Variants in EBF4 observed in about 807,000 individuals in gnomAD.
The protein encoded by EBF4 is transcription factor COE4.
A neutral mutation model predicts 67.1 loss-of-function variants in EBF4; 34 were observed. That is an observed-to-expected ratio of 0.51 (90% CI 0.39 to 0.67). The LOEUF is 0.67. Among genes scored for constraint, EBF4 ranks in the 30% least tolerant of loss-of-function variants. The pLI is 0.00. For missense variants in EBF4, 837 were observed against 873.3 expected, an observed-to-expected ratio of 0.96 and a Z score of 0.52; for synonymous variants, 387 against 377.7, an observed-to-expected ratio of 1.02 and a Z score of -0.29.
chr20:2,719,358 T>G (rs957901062), intron 6 of EBF4, among the ~76,000 whole-genome samples: 2 of 152,206 alleles, frequency 1.3e-5, no homozygotes, highest in African/African-American at 4.8e-5. Flanking sequence ...CACTGCAACC[T>G]CCACCTCCCA....
chr20:2,753,197 G>A (rs1379618117), intron 14 of EBF4, among the ~76,000 whole-genome samples: 1 of 152,230 alleles, frequency 6.6e-6, no homozygotes, highest in Non-Finnish European at 1.5e-5. Flanking sequence ...GCTTAAGGTT[G>A]ATCTCGGATC....
At chr20:2,723,638 C>T (rs1266490663) in intron 6 of EBF4, among the ~76,000 whole-genome samples, 3 of 152,188 alleles carry the variant, frequency 2.0e-5, no homozygotes, top group Non-Finnish European at 4.4e-5. Context: ...CTTGAGCCAC[C>T]GCGCCCGGCC....
chr20:2,736,017 G>A (rs1219368155), intron 6 of EBF4, among the ~76,000 whole-genome samples: 5 of 152,100 alleles, frequency 3.3e-5, no homozygotes, highest in Admixed American at 2.6e-4. Flanking sequence ...CATATTTATT[G>A]GGCACTTGAA....
At chr20:2,701,582 C>T (rs1303945799) in intron 1 of EBF4, among the ~76,000 whole-genome samples, 1 of 152,242 alleles carries the variant, frequency 6.6e-6, no homozygotes, top group Non-Finnish European at 1.5e-5. Flanking sequence ...TTATGCTGCA[C>T]CAGTCTGGAA....
In EBF4 at chr20:2,693,777, G is replaced by A. The variant is rs1285002710; in HGVS notation, c.132G>A (p.Ala44=). 1.5e-6 allele frequency: 2 copies of A among 1,327,996 alleles called. No individual in the cohort carries two copies. Among genetic ancestry groups the A allele is most frequent in the African/African-American group, 1.5e-5 (1 of 64,876 alleles). The allele number at this position is 1,327,996 out of a possible 1,614,324, so 82.3% of individuals were successfully genotyped here. A position where few individuals can be genotyped will look rare whatever the true frequency, so the allele number is the denominator to read the frequency against. ...GCATCCTGGACGCCAGCACCGCGGC[G>A]CAGAGGTAAGCGCTCGGACCGGACC... The change falls in exon 1 of 17, where the codon GCG becomes GCA. Residue 44 remains alanine, a synonymous_variant. Coordinates refer to ENST00000609451, the Ensembl canonical transcript of EBF4. This position sits in a 1 kb window ranked among gnomAD's most constrained non-coding sequence, Gnocchi z 4.6.
chr20:2,705,948 A>G, intron 2 of EBF4, 26 bp from the exon 3 acceptor site: 2 of 1,548,996 alleles, frequency 1.3e-6, no homozygotes, highest in Non-Finnish European at 1.7e-6. Flanking sequence ...TGAGCACCCG[A>G]GCATCCTCCC....
intron 6 of EBF4, among the ~76,000 whole-genome samples, chr20:2,727,612 A>G (rs948567571): frequency 2.0e-5 from 3 of 152,234 alleles, no homozygotes; most frequent in Admixed American, 1.3e-4. Context: ...TGCTGAATCA[A>G]TGGTAGTTCT....
chr20:2,720,545 T>C (rs1440943999), intron 6 of EBF4, among the ~76,000 whole-genome samples: 2 of 152,192 alleles, frequency 1.3e-5, no homozygotes. Context: ...TTAGAACTTA[T>C]TGTATATATC....
In EBF4 at chr20:2,696,324, T is replaced by C. The variant is rs2087287947; in HGVS notation, c.137+2542T>C. ...CTGTCTCTACTAATAATACAAAAATTAGCTGGGCGTGGTGAAGCATGCTTG... is the reference window on the plus strand; with the variant it reads ...CTGTCTCTACTAATAATACAAAAATCAGCTGGGCGTGGTGAAGCATGCTTG... On this transcript the variant is annotated intron_variant, in intron 1 of 16. Coordinates refer to ENST00000609451, the Ensembl canonical transcript of EBF4. The surrounding 1 kb of genome is among the most constrained non-coding windows in gnomAD (Gnocchi z 4.7). Among the ~76,000 whole-genome samples the C allele has an allele frequency of 6.6e-6, 1 of 151,898 alleles. No individual in the cohort carries two copies. The highest frequency in any genetic ancestry group is 2.4e-5 in the African/African-American group (1 of 41,350).
At position 2,707,116 on chromosome 20, in the gene EBF4, T is replaced by C. The variant is rs1170823812; in HGVS notation, c.415-831T>C. Among the ~76,000 whole-genome samples, 1 of 152,134 alleles carries C rather than the reference T, an allele frequency of 6.6e-6. No individual in the cohort carries two copies. Among genetic ancestry groups the C allele is most frequent in the Non-Finnish European group, 1.5e-5 (1 of 68,010 alleles). The stretch of plus-strand genomic sequence containing the variant: ...GGGCTTCCTACATAGGCAGGGTCTT[T>C]TGGCAGCCTCCACCCAATCCCAGGG... On this transcript the variant is annotated intron_variant, in intron 4 of 16. Coordinates refer to ENST00000609451, the Ensembl canonical transcript of EBF4. The surrounding 1 kb of genome is among the most constrained non-coding windows in gnomAD (Gnocchi z 4.6).
chr20:2,758,886 T>A, intron 15 of EBF4, 23 bp from the exon 16 acceptor site: 1 of 1,551,056 alleles, frequency 6.4e-7, no homozygotes, highest in African/African-American at 1.4e-5. Context: ...GGCTTATGGC[T>A]CCTTTTTCCT....
At position 2,693,606 on chromosome 20, in the gene EBF4, G is replaced by T; in HGVS notation, c.-40G>T. 1 of 1,359,706 alleles carries T rather than the reference G, an allele frequency of 7.4e-7. No homozygotes were observed. Among genetic ancestry groups the T allele is most frequent in the Non-Finnish European group, 9.4e-7 (1 of 1,060,366 alleles). 84.2% of individuals were successfully genotyped at this position (1,359,706 alleles called of 1,614,324 possible). A position where few individuals can be genotyped will look rare whatever the true frequency, so the allele number is the denominator to read the frequency against. ...GACGCCCGCAGCCTCAGCGGGACCG[G>T]ATCCGGGGCGGCGGGGGCGCTCACT... On this transcript the variant is annotated 5_prime_UTR_variant, in exon 1 of 17. Transcript: ENST00000609451. This position sits in a 1 kb window ranked among gnomAD's most constrained non-coding sequence, Gnocchi z 4.6.
At chr20:2,717,972 G>A (rs994787505) in intron 6 of EBF4, among the ~76,000 whole-genome samples, 9 of 152,066 alleles carry the variant, frequency 5.9e-5, no homozygotes, top group South Asian at 2.1e-4. Flanking sequence ...CACCATGCCC[G>A]GCTAATTTTT....
chr20:2,693,359 C>T (rs1039921967), upstream of EBF4, among the ~76,000 whole-genome samples: 17 of 150,910 alleles, frequency 1.1e-4, no homozygotes, highest in African/African-American at 4.1e-4. This position sits in a 1 kb window ranked among gnomAD's most constrained non-coding sequence, Gnocchi z 4.6. Context: ...GGCTCCGCTC[C>T]CCGCCCTCCC....
chr20:2,737,077 GTC>G (rs1162612806), intron 6 of EBF4, among the ~76,000 whole-genome samples: 1 of 151,638 alleles, frequency 6.6e-6, no homozygotes, highest in African/African-American at 2.4e-5. Context: ...GTGAAACCCC[GTC>G]TCTACTAAAA....
intron 6 of EBF4, among the ~76,000 whole-genome samples, chr20:2,736,401 A>G (rs1036404012): frequency 2.3e-4 from 35 of 152,222 alleles, no homozygotes; most frequent in Non-Finnish European, 3.1e-4. Flanking sequence ...CAGGCACATT[A>G]TAAGTGCAAT....
chr20:2,706,407 C>A (rs1266307609), intron 4 of EBF4, 143 bp downstream of exon 4: 2 of 947,976 alleles, frequency 2.1e-6, no homozygotes, highest in Non-Finnish European at 3.2e-6. Flanking sequence ...CAGTTCCCAC[C>A]CCAGCCTGTG....
intron 1 of EBF4, among the ~76,000 whole-genome samples, chr20:2,700,635 C>G (rs1298374596): frequency 6.6e-6 from 1 of 152,192 alleles, no homozygotes; most frequent in East Asian, 1.9e-4. Flanking sequence ...CACTCAGCAC[C>G]TCCTGAGCTG....
intron 6 of EBF4, among the ~76,000 whole-genome samples, chr20:2,715,092 T>C (rs76670294): frequency 0.04 from 6,044 of 152,178 alleles, 263 homozygotes; most frequent in African/African-American, 0.11. Flanking sequence ...AGAAATACCA[T>C]TGAAGCCAGC....
Sources: allele counts gnomAD v4.1 joint callset (sites outside exome capture counted in the v4.1 genomes callset), GRCh38; gene constraint gnomAD v4.1.1; non-coding constraint Gnocchi (gnomAD v3.1); transcripts MANE v1.5; gene names NCBI Gene and HGNC (gene_info 2026-07-23, HGNC 2026-07-21).